Variants in LHPP observed in about 807,000 individuals in gnomAD.
LHPP encodes hLHPP.
In LHPP, 24 loss-of-function variants were observed where a neutral mutation model predicts 30.3. The ratio of observed to expected loss-of-function variants is 0.79; its 90% CI spans 0.57 to 1.11. The LOEUF is 1.11. Among genes scored for constraint, LHPP ranks in the 50% most tolerant of loss-of-function variants. The pLI is 0.00. For missense variants in LHPP, 356 were observed against 367.2 expected (o/e 0.97, Z 0.25); for synonymous variants, 150 against 157.1 (o/e 0.95, Z 0.34).
chr10:124,489,767 C>CT (rs113778319), intron 3 of LHPP: 81,110 of 155,788 alleles, frequency 0.52, 20,424 homozygotes, highest in East Asian at 0.76. Flanking sequence ...TAATTTTTTT[C>CT]TTTTTTTTTT....
intron 1 of LHPP, among the ~76,000 whole-genome samples, chr10:124,475,607 T>G (rs2133830361): frequency 6.6e-6 from 1 of 152,288 alleles, no homozygotes; most frequent in South Asian, 2.1e-4. Flanking sequence ...TAGCTACTGT[T>G]GGTGCCTCAT....
chr10:124,573,933 C>T (rs1177836323), intron 6 of LHPP, among the ~76,000 whole-genome samples: 2 of 151,896 alleles, frequency 1.3e-5, no homozygotes, highest in Admixed American at 6.5e-5. Context: ...GAGTTTATGT[C>T]TGAGACCTGG....
At chr10:124,566,159 C>T (rs1948487389) in intron 6 of LHPP, among the ~76,000 whole-genome samples, 1 of 152,266 alleles carries the variant, frequency 6.6e-6, no homozygotes, top group Non-Finnish European at 1.5e-5. Context: ...CTCCCAGCAT[C>T]ACCTTCTCCA....
intron 6 of LHPP, among the ~76,000 whole-genome samples, chr10:124,584,786 A>T (rs1431105310): frequency 2.6e-5 from 4 of 152,086 alleles, no homozygotes; most frequent in Non-Finnish European, 4.4e-5. Context: ...GATCTTCTTT[A>T]ATTTCTTTTA....
intron 3 of LHPP, chr10:124,493,762 A>AGTGGGGCT (rs375662755): frequency 6.6e-4 from 101 of 152,252 alleles, no homozygotes; most frequent in African/African-American, 2.3e-3. Flanking sequence ...TCACGTCCTA[A>AGTGGGGCT]GTGGGGCTGC....
At chr10:124,528,499 C>T (rs550444437) in intron 6 of LHPP, among the ~76,000 whole-genome samples, 2 of 152,314 alleles carry the variant, frequency 1.3e-5, no homozygotes, top group East Asian at 3.9e-4. Context: ...GCTGGGAATA[C>T]AGATGTCTGC....
chr10:124,506,384 A>C (rs1336919259), intron 5 of LHPP, among the ~76,000 whole-genome samples: 2 of 150,814 alleles, frequency 1.3e-5, no homozygotes, highest in African/African-American at 2.4e-5. Context: ...CTGTCCGCCC[A>C]CTACATGGGA....
At chr10:124,515,385 C>T (rs1237798321) in intron 5 of LHPP, among the ~76,000 whole-genome samples, 1 of 152,152 alleles carries the variant, frequency 6.6e-6, no homozygotes, top group Non-Finnish European at 1.5e-5. Flanking sequence ...ACTTTTGGAA[C>T]ACATGAAATA....
chr10:124,549,236 G>A (rs529329267), intron 6 of LHPP, among the ~76,000 whole-genome samples: 1 of 152,226 alleles, frequency 6.6e-6, no homozygotes, highest in Admixed American at 6.5e-5. Context: ...CAGGATTTGA[G>A]ACCAGCCTGG....
At chr10:124,472,320 A>AC (rs1242682133) in intron 1 of LHPP, among the ~76,000 whole-genome samples, 4 of 152,174 alleles carry the variant, frequency 2.6e-5, no homozygotes, top group Non-Finnish European at 4.4e-5. Flanking sequence ...CTCAAAAAAA[A>AC]TGTTGAGGTC....
chr10:124,464,156 C>T (rs928695742), intron 1 of LHPP, among the ~76,000 whole-genome samples: 1 of 152,146 alleles, frequency 6.6e-6, no homozygotes, highest in Non-Finnish European at 1.5e-5. Context: ...CACCACTGGA[C>T]CTGGGCTTTG....
At position 124,512,755 on chromosome 10, in the gene LHPP, G is replaced by A. The variant is rs1023708861; in HGVS notation, c.625-4425G>A. Among the ~76,000 whole-genome samples the A allele has an allele frequency of 5.9e-5, 9 of 152,230 alleles. No individual in the cohort carries two copies. The South Asian group carries it at 1.9e-3, about 32-fold the overall frequency. On this transcript the variant is annotated intron_variant, in intron 5 of 6. Transcript: ENST00000368842. The stretch of plus-strand genomic sequence containing the variant: ...AGATGGAGGTGGAGGCTGGCCCAAG[G>A]TCACACAGCCAGCAAACAGGAGAGC...
At chr10:124,535,974 C>T (rs886417510) in intron 6 of LHPP, among the ~76,000 whole-genome samples, 5 of 152,250 alleles carry the variant, frequency 3.3e-5, no homozygotes, top group Non-Finnish European at 5.9e-5. Context: ...TCATCTCTTC[C>T]GGGGTCCCAG....
chr10:124,602,625 C>T (rs1949038218), intron 6 of LHPP, among the ~76,000 whole-genome samples: 1 of 152,092 alleles, frequency 6.6e-6, no homozygotes, highest in Non-Finnish European at 1.5e-5. Context: ...CGAGGAGAGA[C>T]TTTTGTCCTT....
Position 124,461,860 on chromosome 10 carries a change from G to T in LHPP, c.-3G>T. The T allele has an allele frequency of 8.0e-7, 1 of 1,247,728 alleles. No individual in the cohort carries two copies. Among genetic ancestry groups the T allele is most frequent in the Non-Finnish European group, 1.0e-6 (1 of 992,486 alleles). The allele number at this position is 1,247,728 out of a possible 1,614,324, so 77.3% of individuals were successfully genotyped here. A position where few individuals can be genotyped will look rare whatever the true frequency, so the allele number is the denominator to read the frequency against. On this transcript the variant is annotated 5_prime_UTR_variant, in exon 1 of 7. Transcript: ENST00000368842. ...GCGGAGCTGAGGAGCAGGGCCGGGC[G>T]CCATGGCACCGTGGGGCAAGCGGCT... is the stretch of plus-strand genomic sequence containing the variant.
At chr10:124,530,707 G>A (rs1028994135) in intron 6 of LHPP, among the ~76,000 whole-genome samples, 4 of 152,190 alleles carry the variant, frequency 2.6e-5, no homozygotes, top group Admixed American at 2.0e-4. Context: ...AGAACCACGG[G>A]CTTGCTTTAG....
rs112373853 is a variant in LHPP at position 124,512,667 on chromosome 10, C to T, written c.625-4513C>T. Reference sequence around the variant, plus strand: ...TTAGGTAATGTATTATGTCCTGGCCCTGTGCTGGGTGCTTCACTAAGATGA... The same window carrying T: ...TTAGGTAATGTATTATGTCCTGGCCTTGTGCTGGGTGCTTCACTAAGATGA... On this transcript the variant is annotated intron_variant, in intron 5 of 6. Transcript: ENST00000368842. 1.5e-3 allele frequency among the ~76,000 whole-genome samples: 233 copies of T among 151,824 alleles called. 1 individual carries two copies. The highest frequency in any genetic ancestry group is 3.1e-3 in the Non-Finnish European group (213 of 67,956).
At chr10:124,602,137 C>T (rs1265807879) in intron 6 of LHPP, among the ~76,000 whole-genome samples, 1 of 152,242 alleles carries the variant, frequency 6.6e-6, no homozygotes, top group Non-Finnish European at 1.5e-5. Flanking sequence ...GCCCCACGTG[C>T]CCAGGGAGGA....
chr10:124,546,034 C>G (rs1378148407), intron 6 of LHPP: 1 of 151,314 alleles, frequency 6.6e-6, no homozygotes, highest in Non-Finnish European at 1.5e-5. Context: ...CCTCCCTCTG[C>G]CAAGCTGGTG....
Sources: gnomAD v4.1 joint callset for allele counts (sites outside exome capture counted in the v4.1 genomes callset) on GRCh38, gnomAD v4.1.1 for gene constraint, MANE v1.5 for transcripts, NCBI Gene and HGNC (gene_info 2026-07-23, HGNC 2026-07-21) for gene names.